ME1: variants seen among roughly 807,000 people sequenced by gnomAD.
ME1 encodes the protein NADP-dependent malic enzyme.
A neutral mutation model predicts 66.4 loss-of-function variants in ME1; 74 were observed. The observed-to-expected ratio is 1.11, with a 90% CI of 0.92 to 1.35. The LOEUF (loss-of-function observed/expected upper bound fraction) is 1.35. Ranked by LOEUF, ME1 falls within the 40% of genes most tolerant of loss-of-function variation. The pLI, the probability that ME1 is intolerant of heterozygous loss-of-function variation, is 0.00. For synonymous variants in ME1, 251 were observed against 235.6 expected (o/e 1.07, Z -0.60); for missense variants, 750 against 694.1 (o/e 1.08, Z -0.90).
At chr6:83,427,750 G>A (rs533184065) in intron 1 of ME1, among the ~76,000 whole-genome samples, 6 of 152,200 alleles carry the variant, frequency 3.9e-5, no homozygotes, top group South Asian at 2.1e-4. Flanking sequence ...AGTAGCTCAC[G>A]CCTGTAATCC....
intron 6 of ME1, among the ~76,000 whole-genome samples, chr6:83,297,802 A>G (rs148680835): frequency 1.4e-3 from 217 of 152,132 alleles, no homozygotes; most frequent in African/African-American, 4.9e-3. Context: ...ATGTGTTCTC[A>G]TTGTTCACCT....
intron 1 of ME1, among the ~76,000 whole-genome samples, chr6:83,426,389 T>C (rs1214360089): frequency 6.6e-6 from 1 of 152,238 alleles, no homozygotes; most frequent in Non-Finnish European, 1.5e-5. Context: ...ACTACTGTTG[T>C]TTCCACTGCA....
intron 2 of ME1, among the ~76,000 whole-genome samples, chr6:83,405,867 G>C (rs1008550466): frequency 1.3e-5 from 2 of 150,950 alleles, no homozygotes; most frequent in Non-Finnish European, 3.0e-5. Flanking sequence ...GACTACAGGC[G>C]CCCGCCACTA....
At position 83,344,536 on chromosome 6, in the gene ME1, T is replaced by C. The variant is rs187637011; in HGVS notation, c.600+1637A>G. Among the ~76,000 whole-genome samples the C allele has an allele frequency of 8.8e-4, 133 of 151,698 alleles. 1 individual carries two copies. The highest frequency in any genetic ancestry group is 2.3e-3 in the Admixed American group (35 of 15,176). On this transcript the variant is annotated intron_variant, in intron 5 of 13. Coordinates refer to ENST00000369705, the MANE Select transcript of ME1 (RefSeq NM_002395.6). ...AGATTGAAGCTGCAGTGAGCCATGA[T>C]CATGACAGTGCACTCTAGCCTGGGC...
At chr6:83,249,723 T>C (rs996375949) in intron 7 of ME1, among the ~76,000 whole-genome samples, 2 of 152,140 alleles carry the variant, frequency 1.3e-5, no homozygotes, top group African/African-American at 4.8e-5. Flanking sequence ...ATCTTGTGCT[T>C]GCCATCACTC....
intron 6 of ME1, among the ~76,000 whole-genome samples, chr6:83,304,202 C>T (rs1175401642): frequency 2.6e-5 from 4 of 152,018 alleles, no homozygotes; most frequent in Admixed American, 2.0e-4. Flanking sequence ...TCCAAGGTTA[C>T]AAATGTAGTA....
At chr6:83,267,008 G>A (rs946836914) in intron 6 of ME1, among the ~76,000 whole-genome samples, 18 of 152,028 alleles carry the variant, frequency 1.2e-4, no homozygotes, top group African/African-American at 3.6e-4. Context: ...ATGCAACTTC[G>A]TCTCTGCAAA....
rs751377725 is a variant in ME1 at position 83,237,810 on chromosome 6, G to A, written c.933C>T (p.His311=). 16 of 1,605,570 alleles carry A rather than the reference G, an allele frequency of 1.0e-5. No individual in the cohort carries two copies. Among genetic ancestry groups the A allele is most frequent in the Admixed American group, 1.7e-5 (1 of 59,184 alleles). ...CTTTTTCCAAGGCCATCACAATCAG[G>A]TGTGCAATCCCTAGGGCAGCCTCAG... ...GAGEAALGIA[H]LIVMALEKEG... The change falls in exon 9 of 14, where the codon CAC becomes CAT. Residue 311 remains histidine, a synonymous_variant. Transcript: ENST00000369705.
chr6:83,406,411 C>T (rs753115100), intron 2 of ME1, among the ~76,000 whole-genome samples: 12 of 152,142 alleles, frequency 7.9e-5, no homozygotes, highest in Non-Finnish European at 1.5e-4. Flanking sequence ...ATGGTACCAG[C>T]TCCTCTTTAT....
At chr6:83,296,211 C>T (rs550787355) in intron 6 of ME1, among the ~76,000 whole-genome samples, 2 of 152,086 alleles carry the variant, frequency 1.3e-5, no homozygotes, top group African/African-American at 4.8e-5. Context: ...ACAACAACAA[C>T]AAAAACTTCA....
intron 6 of ME1, among the ~76,000 whole-genome samples, chr6:83,256,924 A>G (rs1766783542): frequency 6.6e-6 from 1 of 152,152 alleles, no homozygotes; most frequent in Non-Finnish European, 1.5e-5. Context: ...CATCATTCTC[A>G]GCAAACTAAC....
chr6:83,340,293 G>A (rs1184402265), intron 5 of ME1, among the ~76,000 whole-genome samples: 3 of 151,924 alleles, frequency 2.0e-5, no homozygotes, highest in Non-Finnish European at 4.4e-5. Context: ...AGAATTTTCT[G>A]AATAATAAAA....
intron 6 of ME1, among the ~76,000 whole-genome samples, chr6:83,259,327 G>C (rs886759933): frequency 1.7e-4 from 26 of 152,100 alleles, no homozygotes; most frequent in African/African-American, 6.0e-4. Context: ...GTCTCATTGG[G>C]AAGACAAAAG....
At chr6:83,384,619 T>G (rs1769474373) in intron 3 of ME1, among the ~76,000 whole-genome samples, 1 of 151,992 alleles carries the variant, frequency 6.6e-6, no homozygotes, top group African/African-American at 2.4e-5. Context: ...CTTTTAATAG[T>G]TTCTTTTGCT....
chr6:83,333,605 T>C (rs1768459309), intron 5 of ME1, among the ~76,000 whole-genome samples: 1 of 152,204 alleles, frequency 6.6e-6, no homozygotes. Flanking sequence ...ACTAACATAT[T>C]TTGAACTCCA....
At chr6:83,318,100 T>C (rs1583377129) in intron 5 of ME1, among the ~76,000 whole-genome samples, 2 of 151,836 alleles carry the variant, frequency 1.3e-5, no homozygotes, top group East Asian at 1.9e-4. Context: ...GCTAGCCATA[T>C]GTAGAAAGCT....
chr6:83,365,603 T>C (rs1369696886), intron 3 of ME1, among the ~76,000 whole-genome samples: 5 of 152,204 alleles, frequency 3.3e-5, no homozygotes, highest in African/African-American at 9.7e-5. Context: ...CATGTGCCTG[T>C]AAGCCCAGCA....
intron 3 of ME1, among the ~76,000 whole-genome samples, chr6:83,381,974 C>T (rs1204809017): frequency 6.6e-6 from 1 of 152,074 alleles, no homozygotes; most frequent in Admixed American, 6.6e-5. Flanking sequence ...CTCATGCCAC[C>T]TCCCCAGTCC....
chr6:83,269,778 C>T lies in ME1; in HGVS notation c.705-16040G>A, dbSNP rs1258093685. ...AAGAGGATTAAGTCTTCCAAAATGA[C>T]CCAAACGGATTTATTACAATGAGAT... On this transcript the variant is annotated intron_variant, in intron 6 of 13. Transcript: ENST00000369705. 5.9e-5 allele frequency among the ~76,000 whole-genome samples: 9 copies of T among 152,222 alleles called. No individual in the cohort carries two copies. In the East Asian group the frequency reaches 1.5e-3, roughly 26 times the overall value.
Sources: allele counts gnomAD v4.1 joint callset (sites outside exome capture counted in the v4.1 genomes callset), GRCh38; gene constraint gnomAD v4.1.1; transcripts MANE v1.5; gene names NCBI Gene and HGNC (gene_info 2026-07-23, HGNC 2026-07-21).